The following HS6ST2 variants were observed in gnomAD, a reference collection of about 807,000 sequenced individuals.
The protein encoded by HS6ST2 is heparan-sulfate 6-O-sulfotransferase 2.
A neutral mutation model predicts 33.0 loss-of-function variants in HS6ST2; 17 were observed. That is an observed-to-expected ratio of 0.52 (90% CI 0.35 to 0.77). HS6ST2 has a LOEUF of 0.77. Among genes scored for constraint, HS6ST2 ranks in the 30% least tolerant of loss-of-function variants. HS6ST2 has a pLI of 0.01. For missense variants in HS6ST2, 519 were observed against 551.7 expected (o/e 0.94, Z 0.59); for synonymous variants, 248 against 237.1 (o/e 1.05, Z -0.42).
intron 2 of HS6ST2, among the ~76,000 whole-genome samples, chrX:132,823,701 CAAAAAAA>C (rs34640492): frequency 9.8e-5 from 6 of 61,313 alleles, no homozygotes. Flanking sequence ...ACTAAAAATA[CAAAAAAA>C]AAAAAAAAAA....
intron 4 of HS6ST2, among the ~76,000 whole-genome samples, chrX:132,650,645 G>A (rs2063682865): frequency 9.2e-6 from 1 of 108,875 alleles, no homozygotes; most frequent in African/African-American, 3.4e-5. Context: ...ACTCGGTCTT[G>A]GTGCCCATCT....
chrX:132,671,640 C>T (rs1313269521), intron 3 of HS6ST2, among the ~76,000 whole-genome samples: 1 of 109,491 alleles, frequency 9.1e-6, no homozygotes, highest in East Asian at 2.9e-4. Flanking sequence ...GGTGCTCTAG[C>T]GGGAGGTGGT....
At chrX:132,643,393 T>A (rs767492097) in intron 4 of HS6ST2, among the ~76,000 whole-genome samples, 1 of 111,635 alleles carries the variant, frequency 9.0e-6, no homozygotes, top group African/African-American at 3.3e-5. Flanking sequence ...GTAAGAGCCA[T>A]GTCCCATGTG....
At chrX:132,795,466 G>A (rs781076403) in intron 2 of HS6ST2, among the ~76,000 whole-genome samples, 177 of 111,926 alleles carry the variant, frequency 1.6e-3, no homozygotes, top group African/African-American at 5.5e-3. Context: ...GGCAGATCTG[G>A]CTGGCTGCAC....
rs768793500 is a variant in HS6ST2 at position 132,760,819 on chromosome X, G to A, written c.948-52325C>T. 9.9e-5 allele frequency among the ~76,000 whole-genome samples: 11 copies of A among 111,056 alleles called. No individual in the cohort carries two copies. The South Asian group carries it at 4.3e-3, about 43-fold the overall frequency. On this transcript the variant is annotated intron_variant, in intron 2 of 4. Transcript: ENST00000370833. ...CTGGGAATCCCTCACTTGTAAGCGTGCTTGCCTGAGGGAAAAAAAGGAATT... is the reference window on the plus strand; with the variant it reads ...CTGGGAATCCCTCACTTGTAAGCGTACTTGCCTGAGGGAAAAAAAGGAATT...
intron 2 of HS6ST2, among the ~76,000 whole-genome samples, chrX:132,924,502 C>A (rs1810726254): frequency 8.9e-6 from 1 of 111,744 alleles, no homozygotes; most frequent in South Asian, 3.7e-4. Flanking sequence ...TTTTGATTTT[C>A]ATTCCTCCAA....
intron 3 of HS6ST2, among the ~76,000 whole-genome samples, chrX:132,688,726 G>C (rs866876143): frequency 9.0e-6 from 1 of 111,649 alleles, no homozygotes; most frequent in Non-Finnish European, 1.9e-5. Context: ...ATGAGATTTG[G>C]GTGGGGACAC....
At chrX:132,832,189 A>G (rs980277275) in intron 2 of HS6ST2, among the ~76,000 whole-genome samples, 1 of 112,086 alleles carries the variant, frequency 8.9e-6, no homozygotes, top group African/African-American at 3.2e-5. Context: ...GAATGTTTTG[A>G]TAAAAGCTAA....
At chrX:132,939,231 A>T (rs775099684) in intron 2 of HS6ST2, among the ~76,000 whole-genome samples, 1 of 111,641 alleles carries the variant, frequency 9.0e-6, no homozygotes, top group East Asian at 2.8e-4. Context: ...ACACATCCAA[A>T]CTCTATCATT....
intron 2 of HS6ST2, among the ~76,000 whole-genome samples, chrX:132,868,376 C>G (rs917175247): frequency 2.3e-4 from 26 of 111,723 alleles, no homozygotes; most frequent in African/African-American, 7.2e-4. Flanking sequence ...ATCAGCAAGA[C>G]AAAAAATTAT....
intron 2 of HS6ST2, among the ~76,000 whole-genome samples, chrX:132,807,667 C>T (rs1408669772): frequency 8.9e-6 from 1 of 112,066 alleles, no homozygotes; most frequent in Admixed American, 9.5e-5. Flanking sequence ...CAGGAAACAG[C>T]TGATAGATTC....
intron 3 of HS6ST2, among the ~76,000 whole-genome samples, chrX:132,703,461 G>A (rs959550465): frequency 8.9e-6 from 1 of 112,605 alleles, no homozygotes; most frequent in African/African-American, 3.2e-5. Flanking sequence ...TCAAACAGGA[G>A]TGACTGTACT....
chrX:132,726,356 A>C (rs1394712440), intron 2 of HS6ST2, among the ~76,000 whole-genome samples: 1 of 112,138 alleles, frequency 8.9e-6, no homozygotes, highest in Non-Finnish European at 1.9e-5. Flanking sequence ...AAAGTAAAGG[A>C]ATCTTTTCCT....
At chrX:132,933,966 A>T (rs1160156518) in intron 2 of HS6ST2, among the ~76,000 whole-genome samples, 1 of 111,625 alleles carries the variant, frequency 9.0e-6, no homozygotes, top group African/African-American at 3.3e-5. Flanking sequence ...ATTACAAGAA[A>T]TAATAAAGAA....
chrX:132,795,321 T>C (rs1273262799), intron 2 of HS6ST2, among the ~76,000 whole-genome samples: 1 of 112,019 alleles, frequency 8.9e-6, no homozygotes, highest in Non-Finnish European at 1.9e-5. Flanking sequence ...GGTTTATCCA[T>C]GGAAGGCTGT....
At chrX:132,867,555 G>C (rs1407462377) in intron 2 of HS6ST2, among the ~76,000 whole-genome samples, 1 of 111,944 alleles carries the variant, frequency 8.9e-6, no homozygotes, top group Non-Finnish European at 1.9e-5. Context: ...AGAAGGAATG[G>C]TACCAGTTCC....
At chrX:132,874,017 C>A (rs2066087133) in intron 2 of HS6ST2, among the ~76,000 whole-genome samples, 2 of 111,358 alleles carry the variant, frequency 1.8e-5, no homozygotes, top group African/African-American at 3.3e-5. Flanking sequence ...GTCCCACACA[C>A]CAGATTTCTC....
intron 2 of HS6ST2, among the ~76,000 whole-genome samples, chrX:132,953,975 A>T (rs1269067928): frequency 8.9e-6 from 1 of 112,153 alleles, no homozygotes; most frequent in Non-Finnish European, 1.9e-5. Flanking sequence ...AGTCAGACAG[A>T]AGTGCAGTCA....
At chrX:132,956,637 G>A (rs934409744) in intron 2 of HS6ST2, among the ~76,000 whole-genome samples, 171 bp downstream of exon 2, 10 of 112,890 alleles carry the variant, frequency 8.9e-5, no homozygotes, top group Non-Finnish European at 1.9e-4. Flanking sequence ...CCTTTCTGTG[G>A]CCGCCACAGC....
Sources: gnomAD v4.1 joint callset for allele counts (sites outside exome capture counted in the v4.1 genomes callset) on GRCh38, gnomAD v4.1.1 for gene constraint, MANE v1.5 for transcripts, NCBI Gene and HGNC (gene_info 2026-07-23, HGNC 2026-07-21) for gene names.